The following VTI1A variants were observed in gnomAD, a reference collection of about 807,000 sequenced individuals.
VTI1A encodes the protein vesicle transport through interaction with t-SNAREs 1A, also known as vesicle transport through interaction with t-SNAREs homolog 1A.
In VTI1A, 22 loss-of-function variants were observed where a neutral mutation model predicts 34.9. The observed-to-expected ratio is 0.63, with a 90% CI of 0.45 to 0.90. VTI1A has a LOEUF of 0.90. Ranked by LOEUF, VTI1A falls within the 40% of genes least tolerant of loss-of-function variation. The pLI, the probability that VTI1A is intolerant of heterozygous loss-of-function variation, is 0.00. For missense variants in VTI1A, 268 were observed against 275.6 expected, an observed-to-expected ratio of 0.97 and a Z score of 0.20; for synonymous variants, 87 against 97.3, an observed-to-expected ratio of 0.89 and a Z score of 0.62.
chr10:112,509,689 G>A (rs184175150), intron 3 of VTI1A, among the ~76,000 whole-genome samples: 1 of 152,316 alleles, frequency 6.6e-6, no homozygotes, highest in East Asian at 1.9e-4. Context: ...CATTTTCCCT[G>A]GTTGGAGAGT....
At chr10:112,447,514 G>A in intron 1 of VTI1A, 47 bp downstream of exon 1, 2 of 1,596,748 alleles carry the variant, frequency 1.3e-6, no homozygotes, top group Non-Finnish European at 1.7e-6. Context: ...AGAGCTGGGA[G>A]GGTGCGGGCG....
At chr10:112,482,478 A>G (rs1423346479) in intron 3 of VTI1A, among the ~76,000 whole-genome samples, 1 of 152,150 alleles carries the variant, frequency 6.6e-6, no homozygotes, top group Non-Finnish European at 1.5e-5. Flanking sequence ...CCAGAGTAGT[A>G]AAATTGTGCT....
intron 7 of VTI1A, among the ~76,000 whole-genome samples, chr10:112,698,731 A>G (rs976946598): frequency 4.6e-5 from 7 of 152,216 alleles, no homozygotes; most frequent in Non-Finnish European, 1.0e-4. Flanking sequence ...CTTTGTTCAC[A>G]TATGCTGGAA....
chr10:112,684,927 T>C (rs1848352838), intron 7 of VTI1A, among the ~76,000 whole-genome samples: 1 of 152,218 alleles, frequency 6.6e-6, no homozygotes. Context: ...TACATTGGGC[T>C]GGCCGTAATA....
chr10:112,533,475 T>G (rs1850515252), intron 4 of VTI1A: 1 of 988,690 alleles, frequency 1.0e-6, no homozygotes, highest in Admixed American at 6.0e-5. Context: ...CAACTGATCT[T>G]TCTTTCCTGC....
chr10:112,716,418 T>A lies in VTI1A; in HGVS notation c.560+47420T>A, dbSNP rs1309265084. ...CGCTCTCCCAACATGTATACTCTAG[T>A]GAGAAGACATAACTAAGCAAATTTT... On this transcript the variant is annotated intron_variant, in intron 7 of 7. Coordinates refer to ENST00000393077, the MANE Select transcript of VTI1A (RefSeq NM_145206.4). Among the ~76,000 whole-genome samples, 11 of 152,298 alleles carry A rather than the reference T, an allele frequency of 7.2e-5. No individual in the cohort carries two copies. In the East Asian group the frequency reaches 1.9e-3, roughly 27 times the overall value.
intron 3 of VTI1A, among the ~76,000 whole-genome samples, chr10:112,485,721 C>T (rs941677468): frequency 1.3e-5 from 2 of 152,222 alleles, no homozygotes; most frequent in African/African-American, 2.4e-5. Context: ...ATGTCAACCT[C>T]ACAATTTAAC....
chr10:112,763,795 T>C (rs4376830), intron 7 of VTI1A, among the ~76,000 whole-genome samples: 15,001 of 152,182 alleles, frequency 0.099, 2,313 homozygotes, highest in African/African-American at 0.33. Context: ...ATTGAGTTTC[T>C]GCCTTTGACC....
Position 112,542,845 on chromosome 10 carries a change from A to G in VTI1A, c.427+4515A>G, listed in dbSNP as rs549324475. 1.4e-3 allele frequency among the ~76,000 whole-genome samples: 211 copies of G among 152,064 alleles called. 1 individual carries two copies. Among genetic ancestry groups the G allele is most frequent in the Middle Eastern group, 0.01 (3 of 294 alleles). On this transcript the variant is annotated intron_variant, in intron 5 of 7. Transcript: ENST00000393077. ...CTCCCCACTCTCCCCACCCCACAAC[A>G]GGCCCCGGTGTGTGATGTTCCCCAC...
chr10:112,666,345 A>G (rs984928467), intron 5 of VTI1A, among the ~76,000 whole-genome samples: 4 of 152,194 alleles, frequency 2.6e-5, no homozygotes, highest in African/African-American at 4.8e-5. Flanking sequence ...ACTGTTTTCT[A>G]TGAGTTGGAT....
At chr10:112,632,762 T>C (rs1222269063) in intron 5 of VTI1A, among the ~76,000 whole-genome samples, 3 of 152,200 alleles carry the variant, frequency 2.0e-5, no homozygotes, top group Non-Finnish European at 4.4e-5. Flanking sequence ...GTAATGCGAC[T>C]TGTAGTATTT....
chr10:112,803,545 C>G (rs1329305015), intron 7 of VTI1A, among the ~76,000 whole-genome samples: 1 of 152,230 alleles, frequency 6.6e-6, no homozygotes, highest in Non-Finnish European at 1.5e-5. Context: ...GGCTGTGCCG[C>G]AGATGGCTGA....
chr10:112,619,157 ATTTT>A (rs954009088), intron 5 of VTI1A, among the ~76,000 whole-genome samples: 2 of 150,390 alleles, frequency 1.3e-5, no homozygotes, highest in Non-Finnish European at 3.0e-5. Context: ...ACTAGCAGGT[ATTTT>A]TTTTTCCAGC....
intron 1 of VTI1A, among the ~76,000 whole-genome samples, chr10:112,456,675 G>GAGT (rs1171644011): frequency 6.6e-6 from 1 of 152,136 alleles, no homozygotes. Flanking sequence ...ATTTCCTATT[G>GAGT]AGGAACTACT....
intron 5 of VTI1A, among the ~76,000 whole-genome samples, chr10:112,638,107 A>T (rs1199225175): frequency 6.6e-6 from 1 of 152,222 alleles, no homozygotes; most frequent in Non-Finnish European, 1.5e-5. Flanking sequence ...GCAATCCTTG[A>T]GATTTCTGAG....
chr10:112,770,108 G>A (rs947708736), intron 7 of VTI1A, among the ~76,000 whole-genome samples: 9 of 151,774 alleles, frequency 5.9e-5, no homozygotes, highest in African/African-American at 1.5e-4. Context: ...ATCTGCAGGC[G>A]GAATCTGGCC....
chr10:112,700,191 A>C (rs763623832), intron 7 of VTI1A, among the ~76,000 whole-genome samples: 3 of 151,936 alleles, frequency 2.0e-5, no homozygotes, highest in Non-Finnish European at 2.9e-5. Flanking sequence ...TCTTACAGAT[A>C]GACATGCTAA....
intron 7 of VTI1A, among the ~76,000 whole-genome samples, chr10:112,679,201 T>A (rs1054585194): frequency 3.3e-5 from 5 of 152,114 alleles, no homozygotes; most frequent in African/African-American, 1.2e-4. Flanking sequence ...ACAAAGTAAG[T>A]GGCTGGGGAT....
intron 2 of VTI1A, among the ~76,000 whole-genome samples, 167 bp downstream of exon 2, chr10:112,460,749 G>T (rs1016686378): frequency 6.6e-6 from 1 of 151,922 alleles, no homozygotes; most frequent in Non-Finnish European, 1.5e-5. Flanking sequence ...TAGCTTCTTG[G>T]GATTTTATTC....
Sources: gnomAD v4.1 joint callset for allele counts (sites outside exome capture counted in the v4.1 genomes callset) on GRCh38, gnomAD v4.1.1 for gene constraint, MANE v1.5 for transcripts, NCBI Gene and HGNC (gene_info 2026-07-23, HGNC 2026-07-21) for gene names.